AFAP1: variants seen among roughly 807,000 people sequenced by gnomAD.
The protein encoded by AFAP1 is actin filament associated protein 1, also known as actin filament-associated protein 1.
A neutral mutation model predicts 93.9 loss-of-function variants in AFAP1; 75 were observed. That is an observed-to-expected ratio of 0.80 (90% confidence interval 0.66 to 0.97). AFAP1 has a LOEUF of 0.97. Ranked by LOEUF, AFAP1 falls within the 50% of genes least tolerant of loss-of-function variation. AFAP1 has a pLI of 0.00. For missense variants in AFAP1, 1,201 were observed against 1,050.8 expected, an observed-to-expected ratio of 1.14 and a Z score of -1.98; for synonymous variants, 517 against 430.7, an observed-to-expected ratio of 1.20 and a Z score of -2.48.
At chr4:7,898,817 G>GTGTC (rs1553853367) in intron 1 of AFAP1, among the ~76,000 whole-genome samples, 1 of 151,078 alleles carries the variant, frequency 6.6e-6, no homozygotes, top group African/African-American at 2.4e-5. Flanking sequence ...AAGTGTGTGT[G>GTGTC]TGTGTGTGTG....
At chr4:7,921,924 AC>A in intron 1 of AFAP1, among the ~76,000 whole-genome samples, 1 of 152,254 alleles carries the variant, frequency 6.6e-6, no homozygotes, top group South Asian at 2.1e-4. Flanking sequence ...ACAGATCGAG[AC>A]CATCCTGGCC....
intron 5 of AFAP1, among the ~76,000 whole-genome samples, chr4:7,842,023 A>G (rs1713077731): frequency 6.6e-6 from 1 of 152,170 alleles, no homozygotes. Flanking sequence ...TTGATTATGT[A>G]TTTCTAAAAC....
At chr4:7,895,859 T>TG (rs976555034) in intron 1 of AFAP1, among the ~76,000 whole-genome samples, 1 of 150,184 alleles carries the variant, frequency 6.7e-6, no homozygotes, top group African/African-American at 2.4e-5. Flanking sequence ...AAAGTTTTTT[T>TG]TTTTTTTTTT....
chr4:7,911,514 G>C (rs1719724139), intron 1 of AFAP1, among the ~76,000 whole-genome samples: 1 of 152,214 alleles, frequency 6.6e-6, no homozygotes, highest in Admixed American at 6.5e-5. Flanking sequence ...CAAATGACAT[G>C]CTTTACGGAT....
chr4:7,840,302 T>TGG (rs1229786140), intron 5 of AFAP1, among the ~76,000 whole-genome samples: 44 of 82,440 alleles, frequency 5.3e-4, no homozygotes, highest in Middle Eastern at 5.9e-3. Flanking sequence ...GGTTTGTTTT[T>TGG]GGGGTGTGTG....
chr4:7,914,839 C>A (rs1235017891), intron 1 of AFAP1, among the ~76,000 whole-genome samples: 1 of 152,116 alleles, frequency 6.6e-6, no homozygotes, highest in Non-Finnish European at 1.5e-5. Context: ...CCTCCACCTC[C>A]CAGGTTCCAG....
Position 7,781,408 on chromosome 4 carries a change from C to T in AFAP1, c.1750G>A (p.Val584Met). Reference protein sequence around the residue: ...SAQSVTNTSSVGRASLGLNSQ... With the variant: ...SAQSVTNTSSMGRASLGLNSQ... ...TTGAGCCCGAGAGACGCCCTCCCCA[C>T]AGAAGAGGTATTAGTGACAGACTGA... Residue 584 changes from valine to methionine, a missense_variant, in exon 13 of 18, where the codon GTG becomes ATG. Transcript: ENST00000420658. The T allele has an allele frequency of 6.4e-7, 1 of 1,551,876 alleles. No homozygotes were observed. The highest frequency in any genetic ancestry group is 8.7e-7 in the Non-Finnish European group (1 of 1,147,058).
intron 6 of AFAP1, among the ~76,000 whole-genome samples, chr4:7,826,422 G>A (rs192518680): frequency 3.9e-5 from 6 of 152,240 alleles, no homozygotes; most frequent in Non-Finnish European, 7.3e-5. Flanking sequence ...AGGCTTCCCA[G>A]AGCATCCACA....
chr4:7,790,898 A>C (rs1717805887), intron 11 of AFAP1, among the ~76,000 whole-genome samples: 1 of 152,238 alleles, frequency 6.6e-6, no homozygotes, highest in Admixed American at 6.5e-5. Flanking sequence ...CAATCTGTGC[A>C]AGACTAGTTC....
At chr4:7,776,959 G>T (rs146578100) in intron 14 of AFAP1, 1 of 152,092 alleles carries the variant, frequency 6.6e-6, no homozygotes, top group African/African-American at 2.4e-5. Flanking sequence ...GCAAAAACAC[G>T]GAATGCCATT....
At chr4:7,931,258 G>C (rs1376851541) in intron 1 of AFAP1, among the ~76,000 whole-genome samples, 1 of 152,144 alleles carries the variant, frequency 6.6e-6, no homozygotes, top group South Asian at 2.1e-4. Flanking sequence ...GAATTGCTGG[G>C]TTTTGTTCTA....
Position 7,816,059 on chromosome 4 carries a change from A to G in AFAP1, c.863T>C (p.Val288Ala), listed in dbSNP as rs770455087. 1.9e-5 allele frequency: 31 copies of G among 1,613,108 alleles called. No individual in the cohort carries two copies. In the Middle Eastern group the frequency reaches 1.8e-3, roughly 94 times the overall value. Reference protein sequence around the residue: ...SERPSSDGEGVVENGITTCNG... With the variant: ...SERPSSDGEGAVENGITTCNG... ...ACATGTGGTAATTCCATTTTCCACA[A>G]CACCCTCCCCATCTGAGCTGGGTCT... The change falls in exon 8 of 18, where the codon GTT becomes GCT. Residue 288 changes from valine to alanine, a missense_variant. Transcript: ENST00000420658.
Position 7,870,791 on chromosome 4 carries a change from T to G in AFAP1, c.127+1161A>C, listed in dbSNP as rs558015132. ...CACGTTCAAACTGCCACCAAATCCT[T>G]CAGCCCATCTTCCAGACTGGCCAGG... On this transcript the variant is annotated intron_variant, in intron 2 of 17. Coordinates refer to ENST00000420658, the MANE Select transcript of AFAP1 (RefSeq NM_001134647.2). 2.6e-5 allele frequency among the ~76,000 whole-genome samples: 4 copies of G among 152,248 alleles called. No individual in the cohort carries two copies. The South Asian group carries it at 8.3e-4, about 32-fold the overall frequency.
intron 3 of AFAP1, among the ~76,000 whole-genome samples, chr4:7,857,250 T>C (rs1050975012): frequency 1.3e-5 from 2 of 152,174 alleles, no homozygotes; most frequent in African/African-American, 2.4e-5. Context: ...GTTTTTTTAA[T>C]GTAAACTCTC....
intron 1 of AFAP1, among the ~76,000 whole-genome samples, chr4:7,924,553 C>G (rs957018711): frequency 1.3e-5 from 2 of 152,158 alleles, no homozygotes; most frequent in East Asian, 3.9e-4. Flanking sequence ...TAAATGTGAA[C>G]GTGAAAACTG....
At position 7,863,254 on chromosome 4, in the gene AFAP1, T is replaced by C. The variant is rs372614729; in HGVS notation, c.225+5368A>G. Among the ~76,000 whole-genome samples the C allele has an allele frequency of 5.3e-5, 8 of 152,082 alleles. No homozygotes were observed. The East Asian group carries it at 7.7e-4, about 15-fold the overall frequency. ...AACATGGTGAAAACCCTGTCTCTAT[T>C]AAAAAGACAAAAAAATTAGCCAGAC... On this transcript the variant is annotated intron_variant, in intron 3 of 17. Coordinates refer to ENST00000420658, the MANE Select transcript of AFAP1 (RefSeq NM_001134647.2).
At chr4:7,877,621 T>G (rs1025451929) in intron 1 of AFAP1, among the ~76,000 whole-genome samples, 3 of 152,224 alleles carry the variant, frequency 2.0e-5, no homozygotes, top group Non-Finnish European at 4.4e-5. Flanking sequence ...CACAGTCATA[T>G]AGCTAGAACA....
intron 1 of AFAP1, among the ~76,000 whole-genome samples, chr4:7,879,069 A>G (rs1177934538): frequency 1.3e-5 from 2 of 152,224 alleles, no homozygotes; most frequent in Non-Finnish European, 2.9e-5. Context: ...GAAATCTTTG[A>G]ATTGGAAGAA....
chr4:7,765,965 G>A (rs1469729177), intron 17 of AFAP1, among the ~76,000 whole-genome samples: 2 of 152,214 alleles, frequency 1.3e-5, no homozygotes, highest in South Asian at 2.1e-4. Context: ...CCAGGATGCA[G>A]ACGCCTGACT....
Sources: allele counts gnomAD v4.1 joint callset (sites outside exome capture counted in the v4.1 genomes callset), GRCh38; gene constraint gnomAD v4.1.1; transcripts MANE v1.5; gene names NCBI Gene and HGNC (gene_info 2026-07-23, HGNC 2026-07-21).